Variants in KIAA2012 observed in about 807,000 individuals in gnomAD.
The protein encoded by KIAA2012 is KIAA2012, also known as uncharacterized protein KIAA2012.
In KIAA2012, 125 loss-of-function variants were observed where a neutral mutation model predicts 150.6. That is an observed-to-expected ratio of 0.83 (90% CI 0.72 to 0.96). KIAA2012 has a LOEUF of 0.96. Among genes scored for constraint, KIAA2012 ranks in the 40% least tolerant of loss-of-function variants. The pLI, the probability that KIAA2012 is intolerant of heterozygous loss-of-function variation, is 0.00. For missense variants in KIAA2012, 1,219 were observed against 1,354.9 expected (o/e 0.90, Z 1.57); for synonymous variants, 462 against 504.7 (o/e 0.92, Z 1.13).
intron 22 of KIAA2012, chr2:202,197,353 AC>A: frequency 2.9e-6 from 1 of 341,214 alleles, no homozygotes; most frequent in Non-Finnish European, 5.4e-6. Flanking sequence ...CAGATCTAAG[AC>A]CCCCTGATTT....
Position 202,190,327 on chromosome 2 carries a change from G to T in KIAA2012, c.2645G>T (p.Gly882Val). 1.3e-6 allele frequency: 2 copies of T among 1,550,572 alleles called. No individual in the cohort carries two copies. The highest frequency in any genetic ancestry group is 1.7e-6 in the Non-Finnish European group (2 of 1,147,020). Residue 882 changes from glycine to valine, a missense_variant, in exon 19 of 24, where the codon GGT (glycine) becomes GTT (valine). Physicochemically the swap from Gly to Val is moderately radical, Grantham distance 109. Coordinates refer to ENST00000498697, the MANE Select transcript of KIAA2012 (RefSeq NM_001277372.4). ...YEETEDTSNRGSFASDSFVED... is the reference protein window; with the variant it reads ...YEETEDTSNRVSFASDSFVED... The stretch of plus-strand genomic sequence containing the variant: ...GAAACAGAAGACACCTCAAATAGAG[G>T]TTCCTTTGCCTCAGACTCCTTTGTA...
At chr2:202,128,730 T>C (rs1036043064) in intron 12 of KIAA2012, among the ~76,000 whole-genome samples, 1 of 142,490 alleles carries the variant, frequency 7.0e-6, no homozygotes, top group African/African-American at 2.7e-5. Flanking sequence ...TTTTTTTTTT[T>C]CAGGTTGACT....
chr2:202,180,419 C>T (rs776457543), intron 15 of KIAA2012, among the ~76,000 whole-genome samples: 8 of 151,964 alleles, frequency 5.3e-5, no homozygotes, highest in Non-Finnish European at 1.0e-4. Flanking sequence ...TGGCTTAAAT[C>T]GACTGTTTTT....
intron 5 of KIAA2012, among the ~76,000 whole-genome samples, 178 bp from the exon 6 acceptor site, chr2:202,099,435 G>A (rs1302589829): frequency 1.3e-5 from 2 of 152,036 alleles, no homozygotes; most frequent in Admixed American, 1.3e-4. Context: ...ACAATAAAAT[G>A]TTTTATTGTA....
At chr2:202,111,116 G>A (rs1453998491) in intron 10 of KIAA2012, among the ~76,000 whole-genome samples, 1 of 151,968 alleles carries the variant, frequency 6.6e-6, no homozygotes, top group Non-Finnish European at 1.5e-5. Context: ...GGCCTTCCTA[G>A]GAAGTTGCAT....
At chr2:202,093,307 G>A (rs1269149688) in intron 4 of KIAA2012, 122 bp downstream of exon 4, 2 of 974,842 alleles carry the variant, frequency 2.1e-6, no homozygotes, top group Non-Finnish European at 3.1e-6. Context: ...TCCTCAATCT[G>A]TAAAATGAGG....
At chr2:202,182,912 T>C (rs553584990) in intron 15 of KIAA2012, among the ~76,000 whole-genome samples, 13 of 152,306 alleles carry the variant, frequency 8.5e-5, no homozygotes, top group Middle Eastern at 6.8e-3. Flanking sequence ...TGATTTTTTT[T>C]GTGTTTTCCA....
intron 11 of KIAA2012, among the ~76,000 whole-genome samples, chr2:202,119,149 G>A (rs565638638): frequency 1.3e-5 from 2 of 152,252 alleles, no homozygotes; most frequent in East Asian, 1.9e-4. Context: ...GCGGGTGCCT[G>A]TAATCCCAGC....
intron 12 of KIAA2012, among the ~76,000 whole-genome samples, chr2:202,131,227 T>C (rs1221589953): frequency 6.6e-6 from 1 of 152,076 alleles, no homozygotes; most frequent in Non-Finnish European, 1.5e-5. Context: ...GCAACCTCTG[T>C]CTCCCGGGTT....
chr2:202,100,634 TC>T (rs1240398490), intron 7 of KIAA2012, among the ~76,000 whole-genome samples, 185 bp downstream of exon 7: 1 of 152,134 alleles, frequency 6.6e-6, no homozygotes, highest in Non-Finnish European at 1.5e-5. Context: ...AGGTTGAAAA[TC>T]ACGAAGTGCA....
intron 2 of KIAA2012, among the ~76,000 whole-genome samples, chr2:202,081,093 T>C (rs1689442067): frequency 6.6e-6 from 1 of 152,234 alleles, no homozygotes; most frequent in African/African-American, 2.4e-5. Context: ...AGCATACAGT[T>C]GTATCCTTTG....
chr2:202,111,101 C>T (rs185862191), intron 10 of KIAA2012, among the ~76,000 whole-genome samples: 36 of 152,220 alleles, frequency 2.4e-4, no homozygotes, highest in African/African-American at 7.5e-4. Context: ...TATGTCCCCA[C>T]CTGGGGCCTT....
intron 15 of KIAA2012, among the ~76,000 whole-genome samples, chr2:202,177,814 A>G (rs186744444): frequency 2.2e-4 from 33 of 152,306 alleles, no homozygotes; most frequent in South Asian, 1.0e-3. Flanking sequence ...CCAACACACA[A>G]ATTTTGAAGG....
chr2:202,156,983 A>C (rs1214776851), intron 14 of KIAA2012, among the ~76,000 whole-genome samples: 1 of 152,168 alleles, frequency 6.6e-6, no homozygotes, highest in South Asian at 2.1e-4. Flanking sequence ...TTTGTATTAC[A>C]CTTTTTTTGT....
chr2:202,112,499 G>A (rs1341072023), intron 10 of KIAA2012, among the ~76,000 whole-genome samples: 1 of 152,216 alleles, frequency 6.6e-6, no homozygotes, highest in Admixed American at 6.5e-5. Flanking sequence ...GAGGATTGTG[G>A]AGGCCCAATT....
intron 19 of KIAA2012, 92 bp downstream of exon 19, chr2:202,190,585 A>G (rs1692311849): frequency 1.1e-6 from 1 of 946,536 alleles, no homozygotes; most frequent in Admixed American, 3.0e-5. Flanking sequence ...ATTATATTGC[A>G]CTTACTAAAA....
At chr2:202,191,199 C>T (rs1332323886) in intron 19 of KIAA2012, among the ~76,000 whole-genome samples, 1 of 151,736 alleles carries the variant, frequency 6.6e-6, no homozygotes, top group African/African-American at 2.4e-5. Flanking sequence ...ATTGCTTGAA[C>T]CTGGGAGGCA....
chr2:202,200,075 C>T (rs185702666), intron 22 of KIAA2012, among the ~76,000 whole-genome samples: 8 of 151,868 alleles, frequency 5.3e-5, no homozygotes, highest in Admixed American at 1.3e-4. Context: ...GGATTACAGG[C>T]GCATGCCACC....
At chr2:202,159,548 A>G (rs1170361742) in intron 14 of KIAA2012, among the ~76,000 whole-genome samples, 1 of 152,162 alleles carries the variant, frequency 6.6e-6, no homozygotes, top group Non-Finnish European at 1.5e-5. Flanking sequence ...AGAAATAATA[A>G]TACTGGGACC....
Sources: gnomAD v4.1 joint callset for allele counts (sites outside exome capture counted in the v4.1 genomes callset) on GRCh38, gnomAD v4.1.1 for gene constraint, MANE v1.5 for transcripts, NCBI Gene and HGNC (gene_info 2026-07-23, HGNC 2026-07-21) for gene names.